ANOS1: variants seen among roughly 807,000 people sequenced by gnomAD.
ANOS1 encodes the protein anosmin 1.
ANOS1 carries 6 observed loss-of-function variants against 59.0 expected under a neutral mutation model. The observed-to-expected ratio is 0.10, with a 90% CI of 0.06 to 0.20. ANOS1 has a LOEUF of 0.20. Ranked by LOEUF, ANOS1 falls within the 10% of genes least tolerant of loss-of-function variation. ANOS1 has a pLI of 1.00. For synonymous variants in ANOS1, 217 were observed against 223.4 expected, an observed-to-expected ratio of 0.97 and a Z score of 0.25; for missense variants, 433 against 542.3, an observed-to-expected ratio of 0.80 and a Z score of 2.00.
chrX:8,553,979 C>T lies in ANOS1; in HGVS notation c.1327G>A (p.Val443Ile). The change falls in exon 9 of 14, where the codon GTT (valine) becomes ATT (isoleucine). Residue 443 changes from valine to isoleucine, a missense_variant. Coordinates refer to ENST00000262648, the MANE Select transcript of ANOS1 (RefSeq NM_000216.4). ...TCTGTCTTCTTCCAGTAGACTTTAA[C>T]TTGCAGTTGGCCATCCTGATAGAAG... ...APFYQDGQLQVKVYWKKTEDP... is the reference protein window; with the variant it reads ...APFYQDGQLQIKVYWKKTEDP... The T allele has an allele frequency of 8.3e-7, 1 of 1,210,172 alleles. No homozygotes were observed. The highest frequency in any genetic ancestry group is 1.1e-6 in the Non-Finnish European group (1 of 893,967).
chrX:8,688,020 T>C (rs935849560), intron 2 of ANOS1, among the ~76,000 whole-genome samples: 12 of 112,316 alleles, frequency 1.1e-4, no homozygotes, highest in Non-Finnish European at 1.5e-4. Context: ...CTATGTGTGA[T>C]TCGGGAGACA....
intron 1 of ANOS1, among the ~76,000 whole-genome samples, chrX:8,729,741 GAAGGCAAGCGGT>G (rs2146917486): frequency 1.1e-5 from 1 of 94,893 alleles, no homozygotes; most frequent in Admixed American, 1.2e-4. Flanking sequence ...AAAAAAAAAG[GAAGGCAAGCGGT>G]GGGGAACAGG....
chrX:8,615,262 T>A (rs1181013035), intron 3 of ANOS1, among the ~76,000 whole-genome samples: 2 of 111,906 alleles, frequency 1.8e-5, no homozygotes, highest in African/African-American at 6.5e-5. Context: ...ATTGTCTATG[T>A]GGCTGAGTGC....
intron 2 of ANOS1, among the ~76,000 whole-genome samples, chrX:8,630,409 G>A (rs1332246521): frequency 9.0e-6 from 1 of 111,104 alleles, no homozygotes; most frequent in East Asian, 2.8e-4. Context: ...CAGCCTGGGT[G>A]ACAGAGTAAG....
At chrX:8,722,228 T>C (rs1422213053) in intron 1 of ANOS1, among the ~76,000 whole-genome samples, 1 of 111,879 alleles carries the variant, frequency 8.9e-6, no homozygotes, top group African/African-American at 3.3e-5. Flanking sequence ...CTATAGGTTT[T>C]TGGGGAGCAG....
chrX:8,682,192 C>T (rs1932434821), intron 2 of ANOS1, among the ~76,000 whole-genome samples: 2 of 110,339 alleles, frequency 1.8e-5, no homozygotes, highest in South Asian at 7.8e-4. Context: ...CAGGCTCTAC[C>T]TGCAAAAAAT....
At chrX:8,631,771 C>T (rs1931493395) in intron 2 of ANOS1, among the ~76,000 whole-genome samples, 1 of 111,645 alleles carries the variant, frequency 9.0e-6, no homozygotes, top group Non-Finnish European at 1.9e-5. Context: ...AGAGAGGCAA[C>T]GTATCACTCC....
intron 2 of ANOS1, among the ~76,000 whole-genome samples, chrX:8,686,911 G>A (rs745330750): frequency 3.6e-5 from 4 of 111,535 alleles, no homozygotes; most frequent in Non-Finnish European, 5.6e-5. Flanking sequence ...CCAACATCGC[G>A]CCACTGCATT....
chrX:8,592,691 C>T (rs1267400837), intron 4 of ANOS1, among the ~76,000 whole-genome samples: 1 of 111,215 alleles, frequency 9.0e-6, no homozygotes, highest in Non-Finnish European at 1.9e-5. Flanking sequence ...TGAGTGCCCC[C>T]AAATGCACTC....
At chrX:8,647,000 G>A (rs1931771464) in intron 2 of ANOS1, among the ~76,000 whole-genome samples, 1 of 109,105 alleles carries the variant, frequency 9.2e-6, no homozygotes, top group African/African-American at 3.3e-5. Flanking sequence ...TCGAGGTGGA[G>A]GGTCCGATCC....
intron 4 of ANOS1, 49 bp from the exon 5 acceptor site, chrX:8,588,027 G>A: frequency 1.9e-6 from 2 of 1,050,879 alleles, no homozygotes; most frequent in Non-Finnish European, 2.6e-6. Flanking sequence ...GACTCAAATT[G>A]AAGTAAAAGT....
chrX:8,610,549 G>C (rs1484988511), intron 3 of ANOS1, among the ~76,000 whole-genome samples: 1 of 111,777 alleles, frequency 8.9e-6, no homozygotes, highest in Admixed American at 9.6e-5. Flanking sequence ...GATTCAGAGG[G>C]ACCCTTTGAT....
chrX:8,700,927 T>C (rs998815095), intron 1 of ANOS1, among the ~76,000 whole-genome samples: 1 of 111,658 alleles, frequency 9.0e-6, no homozygotes, highest in African/African-American at 3.3e-5. Context: ...GAGAATTGCT[T>C]GAACCTAGGA....
At chrX:8,709,148 G>T (rs1360216212) in intron 1 of ANOS1, among the ~76,000 whole-genome samples, 1 of 109,839 alleles carries the variant, frequency 9.1e-6, no homozygotes, top group East Asian at 2.9e-4. Flanking sequence ...AGCATTAGGA[G>T]AAATACCTAA....
At chrX:8,577,006 C>T (rs1249814628) in intron 6 of ANOS1, among the ~76,000 whole-genome samples, 1 of 111,339 alleles carries the variant, frequency 9.0e-6, no homozygotes, top group Non-Finnish European at 1.9e-5. Flanking sequence ...TCAAAAGCAG[C>T]CACAGACAAT....
intron 3 of ANOS1, among the ~76,000 whole-genome samples, chrX:8,601,672 T>C (rs928608775): frequency 8.9e-6 from 1 of 112,054 alleles, no homozygotes; most frequent in African/African-American, 3.2e-5. Context: ...AACACATATG[T>C]TCATCTTTGC....
At chrX:8,606,355 G>C (rs770184437) in intron 3 of ANOS1, among the ~76,000 whole-genome samples, 26 of 112,026 alleles carry the variant, frequency 2.3e-4, no homozygotes, top group Non-Finnish European at 4.9e-4. Context: ...AGAATTTGCT[G>C]TGATAAAACT....
chrX:8,559,860 T>A (rs1278760985), intron 8 of ANOS1, among the ~76,000 whole-genome samples: 1 of 111,659 alleles, frequency 9.0e-6, no homozygotes, highest in Non-Finnish European at 1.9e-5. Flanking sequence ...CTTCTTTAAT[T>A]TGTTCCTCAA....
chrX:8,587,646 A>G (rs1258528722), intron 5 of ANOS1, 148 bp downstream of exon 5: 1 of 477,756 alleles, frequency 2.1e-6, no homozygotes, highest in Non-Finnish European at 3.6e-6. Context: ...TCCTCTCTTT[A>G]GAAGACCCCA....
Sources: allele counts gnomAD v4.1 joint callset (sites outside exome capture counted in the v4.1 genomes callset), GRCh38; gene constraint gnomAD v4.1.1; transcripts MANE v1.5; gene names NCBI Gene and HGNC (gene_info 2026-07-23, HGNC 2026-07-21).